PACC1: variants seen among roughly 807,000 people sequenced by gnomAD.
PACC1 encodes the protein proton-activated chloride channel.
A neutral mutation model predicts 39.7 loss-of-function variants in PACC1; 34 were observed. That is an observed-to-expected ratio of 0.86 (90% confidence interval 0.65 to 1.14). PACC1 has a LOEUF of 1.14. Ranked by LOEUF, PACC1 falls within the 50% of genes most tolerant of loss-of-function variation. The pLI, the probability that PACC1 is intolerant of heterozygous loss-of-function variation, is 0.00. For synonymous variants in PACC1, 127 were observed against 160.6 expected, an observed-to-expected ratio of 0.79 and a Z score of 1.58; for missense variants, 379 against 436.4, an observed-to-expected ratio of 0.87 and a Z score of 1.17.
chr1:212,379,274 G>A (rs1415132090), intron 5 of PACC1, among the ~76,000 whole-genome samples: 2 of 151,928 alleles, frequency 1.3e-5, no homozygotes. Context: ...TTTTTCTCTA[G>A]TTTACTTTAT....
chr1:212,366,475 T>C (rs980579884), intron 7 of PACC1, among the ~76,000 whole-genome samples: 3 of 152,058 alleles, frequency 2.0e-5, no homozygotes, highest in Admixed American at 2.0e-4. Context: ...TAATTTTTTG[T>C]ATTTTTAGTA....
intron 2 of PACC1, among the ~76,000 whole-genome samples, chr1:212,408,443 C>T (rs1359919068): frequency 1.3e-5 from 2 of 151,926 alleles, no homozygotes; most frequent in African/African-American, 4.8e-5. Context: ...TCACTGTAAC[C>T]TCCGCCTCCT....
chr1:212,413,778 T>C, intron 1 of PACC1: 2 of 1,115,016 alleles, frequency 1.8e-6, no homozygotes, highest in Non-Finnish European at 2.5e-6. Context: ...TGCTCCGAGG[T>C]GAAGGCAGGG....
At chr1:212,401,418 G>A (rs1661706081) in intron 2 of PACC1, among the ~76,000 whole-genome samples, 1 of 152,008 alleles carries the variant, frequency 6.6e-6, no homozygotes, top group Admixed American at 6.6e-5. Context: ...CTGAGGTCAG[G>A]AGTTCGAGAA....
rs1004476585 is a variant in PACC1 at position 212,385,197 on chromosome 1, A to G, written c.495+77T>C. The stretch of plus-strand genomic sequence containing the variant: ...GTGAGTGGAAGAAGGACTCCTAGGA[A>G]AAAGGAAACTTGGGGCCTTGGGTTG... On this transcript the variant is annotated intron_variant, in intron 4 of 7. Coordinates refer to ENST00000261455, the MANE Select transcript of PACC1 (RefSeq NM_018252.3). The G allele has an allele frequency of 2.5e-6, 4 of 1,569,784 alleles. No homozygotes were observed. In the East Asian group the frequency reaches 9.0e-5, roughly 35 times the overall value.
chr1:212,414,767 C>A lies in PACC1; in HGVS notation c.-10G>T, dbSNP rs1347087096. The stretch of plus-strand genomic sequence containing the variant: ...GCTCCTGCCGGATCATGGCACTGAC[C>A]AGAGCTTCGGCACACCTGAGACCGC... On this transcript the variant is annotated 5_prime_UTR_variant, in exon 1 of 8. Transcript: ENST00000261455. 1 of 1,613,038 alleles carries A rather than the reference C, an allele frequency of 6.2e-7. No individual in the cohort carries two copies. Among genetic ancestry groups the A allele is most frequent in the African/African-American group, 1.3e-5 (1 of 74,894 alleles).
At position 212,364,309 on chromosome 1, in the gene PACC1, AG is replaced by A. The variant is rs1322574666; in HGVS notation, c.*905del. On this transcript the variant is annotated 3_prime_UTR_variant, in exon 8 of 8. Transcript: ENST00000261455. Reference sequence around the variant, plus strand: ...TCACTCTTTCTGGACACCTGCCATCAGTTGCCATGCCTAACAAACCCTTCCC... The same window carrying A: ...TCACTCTTTCTGGACACCTGCCATCATTGCCATGCCTAACAAACCCTTCCC... 3 of 152,184 alleles carry A rather than the reference AG, an allele frequency of 2.0e-5. No individual in the cohort carries two copies. Among genetic ancestry groups the A allele is most frequent in the Non-Finnish European group, 4.4e-5 (3 of 68,040 alleles). 9.4% of individuals were successfully genotyped at this position (152,184 alleles called of 1,614,324 possible).
At chr1:212,401,681 T>TG (rs1280818423) in intron 2 of PACC1, among the ~76,000 whole-genome samples, 7 of 149,672 alleles carry the variant, frequency 4.7e-5, no homozygotes, top group Non-Finnish European at 7.5e-5. Flanking sequence ...GTTCCTTTTT[T>TG]TTTTTTTTTT....
chr1:212,380,903 C>G (rs1000682182), intron 4 of PACC1, among the ~76,000 whole-genome samples: 1 of 152,164 alleles, frequency 6.6e-6, no homozygotes, highest in African/African-American at 2.4e-5. Flanking sequence ...TTCACTGGGA[C>G]TTTTAACTGT....
At chr1:212,407,750 G>T (rs1218341194) in intron 2 of PACC1, among the ~76,000 whole-genome samples, 3 of 152,146 alleles carry the variant, frequency 2.0e-5, no homozygotes, top group South Asian at 2.1e-4. Context: ...CAAAGTGTTG[G>T]GATTACCACC....
intron 6 of PACC1, 79 bp downstream of exon 6, chr1:212,377,483 C>A: frequency 6.3e-7 from 1 of 1,582,626 alleles, no homozygotes; most frequent in Admixed American, 1.7e-5. Flanking sequence ...AAGGAGCCTT[C>A]TCTGCAAAGC....
At chr1:212,387,637 TC>T (rs1661153052) in intron 2 of PACC1, 2 of 154,496 alleles carry the variant, frequency 1.3e-5, no homozygotes, top group African/African-American at 4.8e-5. Flanking sequence ...GATTTTCTTT[TC>T]TTCCACAGCT....
chr1:212,402,862 C>T (rs538942164), intron 2 of PACC1, among the ~76,000 whole-genome samples: 1 of 152,280 alleles, frequency 6.6e-6, no homozygotes, highest in South Asian at 2.1e-4. Context: ...CTATGTTGGT[C>T]AGGCTGGTCT....
rs1662276734 is a variant in PACC1, at chr1:212,414,857, G to A, written c.-100C>T. On this transcript the variant is annotated 5_prime_UTR_variant, in exon 1 of 8. Coordinates refer to ENST00000261455, the MANE Select transcript of PACC1 (RefSeq NM_018252.3). The stretch of plus-strand genomic sequence containing the variant: ...CACCTGGACCTACCGGCTCCGCGAG[G>A]CGAAACCGGTCCGGAGGGGCGTCCC... 2 of 1,525,244 alleles carry A rather than the reference G, an allele frequency of 1.3e-6. No homozygotes were observed. Among genetic ancestry groups the A allele is most frequent in the Non-Finnish European group, 1.8e-6 (2 of 1,112,208 alleles). The allele number at this position is 1,525,244 out of a possible 1,614,324, so 94.5% of individuals were successfully genotyped here. A position where few individuals can be genotyped will look rare whatever the true frequency, so the allele number is the denominator to read the frequency against.
chr1:212,369,025 CA>C (rs60126911), intron 7 of PACC1, among the ~76,000 whole-genome samples: 44,249 of 122,614 alleles, frequency 0.36, 6,795 homozygotes, highest in East Asian at 0.46. Context: ...GACTCCGTCT[CA>C]AAAAAAAAAA....
intron 7 of PACC1, among the ~76,000 whole-genome samples, chr1:212,372,411 T>G (rs2102471329): frequency 6.6e-6 from 1 of 151,938 alleles, no homozygotes; most frequent in East Asian, 1.9e-4. Flanking sequence ...GGGGAAAAAT[T>G]CAAAGTCTTT....
intron 2 of PACC1, among the ~76,000 whole-genome samples, chr1:212,393,305 T>C (rs933294779): frequency 6.6e-6 from 1 of 152,100 alleles, no homozygotes; most frequent in Non-Finnish European, 1.5e-5. Context: ...CTCAACTACA[T>C]GGAAACTGAA....
intron 2 of PACC1, among the ~76,000 whole-genome samples, chr1:212,388,329 G>A (rs974160606): frequency 6.6e-6 from 1 of 152,120 alleles, no homozygotes; most frequent in Non-Finnish European, 1.5e-5. Context: ...GTGACTGATT[G>A]AACACGTCCT....
intron 7 of PACC1, among the ~76,000 whole-genome samples, 196 bp downstream of exon 7, chr1:212,374,997 T>C (rs532032722): frequency 3.6e-4 from 55 of 152,262 alleles, no homozygotes; most frequent in African/African-American, 1.1e-3. Flanking sequence ...ATATATAACA[T>C]TGATGTCATA....
Sources: allele counts gnomAD v4.1 joint callset (sites outside exome capture counted in the v4.1 genomes callset), GRCh38; gene constraint gnomAD v4.1.1; transcripts MANE v1.5; gene names NCBI Gene and HGNC (gene_info 2026-07-23, HGNC 2026-07-21).